CACNA2D4: variants seen among roughly 807,000 people sequenced by gnomAD.
The protein encoded by CACNA2D4 is voltage-dependent calcium channel subunit alpha-2/delta-4.
A neutral mutation model predicts 163.8 loss-of-function variants in CACNA2D4; 157 were observed. The observed-to-expected ratio is 0.96, with a 90% CI of 0.84 to 1.09. The LOEUF (loss-of-function observed/expected upper bound fraction) is 1.09, where lower values mean the gene tolerates loss of function less well. CACNA2D4 is among the 50% of genes least tolerant of loss of function. CACNA2D4 has a pLI of 0.00. For synonymous variants in CACNA2D4, 598 were observed against 586.9 expected (o/e 1.02, Z -0.27); for missense variants, 1,410 against 1,479.9 (o/e 0.95, Z 0.78).
At chr12:1,899,653 A>G (rs1033631743) in intron 6 of CACNA2D4, among the ~76,000 whole-genome samples, 4 of 152,194 alleles carry the variant, frequency 2.6e-5, no homozygotes, top group Non-Finnish European at 5.9e-5. Flanking sequence ...TTCCCATAAG[A>G]AAACATCAGG....
chr12:1,810,362 A>T, intron 28 of CACNA2D4, 22 bp from the exon 29 acceptor site: 1 of 1,609,812 alleles, frequency 6.2e-7, no homozygotes, highest in Non-Finnish European at 8.5e-7. Context: ...CCCAGAAGGG[A>T]GGTTATGCCA....
chr12:1,823,967 T>C (rs1433825450), intron 26 of CACNA2D4, among the ~76,000 whole-genome samples: 1 of 152,218 alleles, frequency 6.6e-6, no homozygotes, highest in Non-Finnish European at 1.5e-5. Context: ...CTCAGAGCCA[T>C]ATGATTCCAT....
chr12:1,817,367 C>A (rs373079730), intron 26 of CACNA2D4, among the ~76,000 whole-genome samples: 1 of 152,158 alleles, frequency 6.6e-6, no homozygotes, highest in Non-Finnish European at 1.5e-5. Context: ...CTCCATTCCT[C>A]ACTCAGTTGA....
rs754183982 is a variant in CACNA2D4, at chr12:1,918,327, C to T, written c.147G>A (p.Lys49=). 4 of 1,609,896 alleles carry T rather than the reference C, an allele frequency of 2.5e-6. No homozygotes were observed. The South Asian group carries it at 4.4e-5, about 18-fold the overall frequency. The part of the protein sequence containing the change: ...PMPVAWAFVQ[K]TSALLWLLLL... ...GCAGCAGCCACAGGAGGGCCGAGGT[C>T]TTCTGCACAAAGGCCCAGGCCACGG... is the stretch of plus-strand genomic sequence containing the variant. Residue 49 remains lysine, a synonymous_variant, in exon 1 of 38, where the codon AAG becomes AAA. Coordinates refer to ENST00000382722, the MANE Select transcript of CACNA2D4 (RefSeq NM_172364.5).
chr12:1,858,435 G>T, intron 20 of CACNA2D4, 142 bp downstream of exon 20: 1 of 687,968 alleles, frequency 1.5e-6, no homozygotes. Flanking sequence ...CCACCTGGCA[G>T]CATTGTTCTG....
At chr12:1,864,385 T>C (rs1256258426) in intron 18 of CACNA2D4, among the ~76,000 whole-genome samples, 1 of 152,254 alleles carries the variant, frequency 6.6e-6, no homozygotes, top group Non-Finnish European at 1.5e-5. Context: ...TGGCAAAATA[T>C]TTAACCCAGT....
chr12:1,918,085 C>T, intron 1 of CACNA2D4, 162 bp downstream of exon 1: 1 of 625,260 alleles, frequency 1.6e-6, no homozygotes, highest in Admixed American at 3.2e-5. Context: ...GCCGGAGAAG[C>T]AAAGGGCTTT....
chr12:1,797,725 A>T (rs954188205), intron 34 of CACNA2D4, 190 bp from the exon 35 acceptor site: 7 of 622,376 alleles, frequency 1.1e-5, no homozygotes, highest in Middle Eastern at 4.1e-4. Flanking sequence ...GAGTCTCTGG[A>T]GAGGGTGGCT....
At position 1,885,026 on chromosome 12, in the gene CACNA2D4, C is replaced by T; in HGVS notation, c.1119G>A (p.Val373=). The change falls in exon 10 of 38, where the codon GTG becomes GTA. Residue 373 remains valine (V), a synonymous_variant. Transcript: ENST00000382722. ...GGAAGGCTTCTCTCAGGGCTTGGTC[C>T]ACGACCCCCACACCTTTGACCATCA... ...EELMVKGVGV[V]DQALREAFQI... 1 of 1,613,968 alleles carries T rather than the reference C, an allele frequency of 6.2e-7. No individual in the cohort carries two copies. Among genetic ancestry groups the T allele is most frequent in the Non-Finnish European group, 8.5e-7 (1 of 1,179,868 alleles).
chr12:1,814,379 G>A (rs1863809355), intron 26 of CACNA2D4, among the ~76,000 whole-genome samples: 1 of 152,114 alleles, frequency 6.6e-6, no homozygotes, highest in African/African-American at 2.4e-5. Context: ...TCTTGCCCCG[G>A]GTGTCCTTTG....
At chr12:1,900,692 C>T (rs1373103723) in intron 6 of CACNA2D4, among the ~76,000 whole-genome samples, 2 of 152,062 alleles carry the variant, frequency 1.3e-5, no homozygotes, top group African/African-American at 4.8e-5. Flanking sequence ...CTGGAGCACC[C>T]AGATATATAA....
At chr12:1,866,392 C>T (rs576215461) in intron 18 of CACNA2D4, among the ~76,000 whole-genome samples, 18 of 152,256 alleles carry the variant, frequency 1.2e-4, no homozygotes, top group African/African-American at 4.3e-4. Context: ...AATGCAACAT[C>T]GAAACTTTTG....
At chr12:1,880,168 C>T (rs1458030410) in intron 13 of CACNA2D4, among the ~76,000 whole-genome samples, 3 of 152,240 alleles carry the variant, frequency 2.0e-5, no homozygotes, top group African/African-American at 7.2e-5. Flanking sequence ...TAAGCTCTCT[C>T]GTCTCAGCGA....
At chr12:1,841,108 G>A (rs1592703569) in intron 25 of CACNA2D4, among the ~76,000 whole-genome samples, 1 of 152,238 alleles carries the variant, frequency 6.6e-6, no homozygotes. Flanking sequence ...GCTGCGGCAT[G>A]CATTTTGCCC....
Position 1,829,985 on chromosome 12 carries a change from G to A in CACNA2D4, c.2551+10754C>T, listed in dbSNP as rs1018146234. 3.3e-5 allele frequency among the ~76,000 whole-genome samples: 5 copies of A among 152,192 alleles called. No homozygotes were observed. The highest frequency in any genetic ancestry group is 7.4e-5 in the Non-Finnish European group (5 of 68,026). ...TGGAAGGCACTGCTCTGATGTGATT[G>A]TTCCCTGAGGGTTACTTCTCCCAGC... On this transcript the variant is annotated intron_variant, in intron 26 of 37. Coordinates refer to ENST00000382722, the MANE Select transcript of CACNA2D4 (RefSeq NM_172364.5). The surrounding 1 kb of genome is among the most constrained non-coding windows in gnomAD (Gnocchi z 4.2).
At chr12:1,804,981 C>T (rs1863481568) in intron 29 of CACNA2D4, among the ~76,000 whole-genome samples, 2 of 152,262 alleles carry the variant, frequency 1.3e-5, no homozygotes, top group Admixed American at 1.3e-4. Flanking sequence ...GTCCCTGAAC[C>T]TGCAAAGCGA....
At chr12:1,906,025 C>T (rs1181476219) in intron 6 of CACNA2D4, among the ~76,000 whole-genome samples, 1 of 152,060 alleles carries the variant, frequency 6.6e-6, no homozygotes, top group Non-Finnish European at 1.5e-5. Flanking sequence ...AAATAAACCC[C>T]CACATATATG....
At chr12:1,800,947 C>A (rs933384213) in intron 31 of CACNA2D4, 96 bp downstream of exon 31, 45 of 1,180,196 alleles carry the variant, frequency 3.8e-5, no homozygotes, top group Middle Eastern at 5.5e-4. Flanking sequence ...GCCAGACACC[C>A]AAGGTGGGTG....
Position 1,829,468 on chromosome 12 carries a change from A to G in CACNA2D4, c.2551+11271T>C, listed in dbSNP as rs111780364. Among the ~76,000 whole-genome samples, 1,100 of 152,094 alleles carry G rather than the reference A, an allele frequency of 7.2e-3. 16 individuals carry two copies. The highest frequency in any genetic ancestry group is 0.025 in the African/African-American group (1,024 of 41,492). ...GGTCTCCGGTGGCTTCCATGGCTGT[A>G]CCTGTGCTCACTTCTCGCCAAGAAC... On this transcript the variant is annotated intron_variant, in intron 26 of 37. Transcript: ENST00000382722. This position sits in a 1 kb window ranked among gnomAD's most constrained non-coding sequence, Gnocchi z 4.2.
Sources: gnomAD v4.1 joint callset for allele counts (sites outside exome capture counted in the v4.1 genomes callset) on GRCh38, gnomAD v4.1.1 for gene constraint, Gnocchi (gnomAD v3.1) non-coding constraint, MANE v1.5 for transcripts, NCBI Gene and HGNC (gene_info 2026-07-23, HGNC 2026-07-21) for gene names.